METTL15: variants seen among roughly 807,000 people sequenced by gnomAD.
The protein encoded by METTL15 is 12S rRNA N(4)-cytidine methyltransferase METTL15.
Under a neutral mutation model 38.3 loss-of-function variants are expected in METTL15, and 34 were observed. The observed-to-expected ratio is 0.89, with a 90% CI of 0.68 to 1.18. The LOEUF is 1.18. Among genes scored for constraint, METTL15 ranks in the 50% most tolerant of loss-of-function variants. METTL15 has a pLI of 0.00. For missense variants in METTL15, 438 were observed against 498.4 expected, an observed-to-expected ratio of 0.88 and a Z score of 1.15; for synonymous variants, 162 against 170.9, an observed-to-expected ratio of 0.95 and a Z score of 0.41.
At chr11:28,178,299 G>A (rs988637470) in intron 3 of METTL15, among the ~76,000 whole-genome samples, 2 of 151,874 alleles carry the variant, frequency 1.3e-5, no homozygotes, top group Admixed American at 6.6e-5. Flanking sequence ...CCTGTTTACT[G>A]GAGAATACTC....
intron 6 of METTL15, among the ~76,000 whole-genome samples, chr11:28,306,748 C>T (rs1203560738): frequency 6.6e-6 from 1 of 151,730 alleles, no homozygotes; most frequent in Non-Finnish European, 1.5e-5. Context: ...GAGAGAATTC[C>T]CAATTTTAAT....
chr11:28,117,095 C>T (rs1296623489), intron 3 of METTL15, among the ~76,000 whole-genome samples: 2 of 151,862 alleles, frequency 1.3e-5, no homozygotes, highest in African/African-American at 2.4e-5. Context: ...AAATTCTCTT[C>T]GTGCTTTAAA....
At chr11:28,395,464 T>G (rs781546514) in intron 5 of METTL15, among the ~76,000 whole-genome samples, 3 of 151,972 alleles carry the variant, frequency 2.0e-5, no homozygotes, top group African/African-American at 7.2e-5. Context: ...TATTTCAGGA[T>G]TACTGTAAAC....
chr11:28,290,019 C>T (rs563121224), intron 4 of METTL15, among the ~76,000 whole-genome samples, 187 bp from the exon 5 acceptor site: 1 of 152,272 alleles, frequency 6.6e-6, no homozygotes, highest in South Asian at 2.1e-4. Context: ...ATTAAACCAG[C>T]TCTGGTGTTT....
At chr11:28,304,436 A>T (rs1857012424) in intron 6 of METTL15, among the ~76,000 whole-genome samples, 1 of 152,136 alleles carries the variant, frequency 6.6e-6, no homozygotes, top group Admixed American at 6.6e-5. Flanking sequence ...GATAAAATTT[A>T]TGCCAGGCGC....
rs1211816376 is a variant in METTL15, at chr11:28,435,598, G to A, written c.*424+11234G>A. ...GCTTCCTGCCTATAGAAAATTAGGG[G>A]CAGAGATGTCTCTCTACAAGTGTGA... On this transcript the variant is annotated intron_variant and NMD_transcript_variant, in intron 6 of 7. Transcript: ENST00000532947. Among the ~76,000 whole-genome samples the A allele has an allele frequency of 2.0e-5, 3 of 152,160 alleles. 1 individual carries two copies. Among genetic ancestry groups the A allele is most frequent in the Non-Finnish European group, 4.4e-5 (3 of 68,036 alleles).
chr11:28,175,579 A>C (rs1348946264), intron 3 of METTL15, among the ~76,000 whole-genome samples: 1 of 152,122 alleles, frequency 6.6e-6, no homozygotes, highest in Non-Finnish European at 1.5e-5. Flanking sequence ...CATCAGTTAA[A>C]AATTGCCCAA....
chr11:28,459,811 C>G (rs1851199392), intron 6 of METTL15, among the ~76,000 whole-genome samples: 1 of 151,912 alleles, frequency 6.6e-6, no homozygotes, highest in Admixed American at 6.6e-5. Context: ...GTATGTTTGT[C>G]CCTTGTCATT....
At chr11:28,198,164 G>A (rs1851978911) in intron 3 of METTL15, among the ~76,000 whole-genome samples, 1 of 152,182 alleles carries the variant, frequency 6.6e-6, no homozygotes, top group South Asian at 2.1e-4. Flanking sequence ...AAAAGACGCT[G>A]ACAGATTGGC....
intron 4 of METTL15, among the ~76,000 whole-genome samples, chr11:28,277,561 G>A (rs1302228451): frequency 3.9e-5 from 6 of 151,978 alleles, no homozygotes; most frequent in African/African-American, 4.8e-5. Context: ...AGCAGGGCAC[G>A]GTAGCACACA....
At chr11:28,214,226 G>A (rs1050762981) in intron 4 of METTL15, among the ~76,000 whole-genome samples, 1 of 151,618 alleles carries the variant, frequency 6.6e-6, no homozygotes, top group Non-Finnish European at 1.5e-5. Flanking sequence ...TAGAGATGAG[G>A]TCTCTCTATG....
intron 6 of METTL15, among the ~76,000 whole-genome samples, chr11:28,454,031 T>A (rs1161220568): frequency 6.6e-6 from 1 of 152,240 alleles, no homozygotes; most frequent in Non-Finnish European, 1.5e-5. Flanking sequence ...AACTGAGAAT[T>A]TGATGAGGGG....
rs548245656 is a variant in METTL15 at position 28,451,173 on chromosome 11, G to A, written c.*424+26809G>A. Among the ~76,000 whole-genome samples, 13 of 152,268 alleles carry A rather than the reference G, an allele frequency of 8.5e-5. 1 individual carries two copies. In the South Asian group the frequency reaches 2.3e-3, roughly 27 times the overall value. On this transcript the variant is annotated intron_variant and NMD_transcript_variant, in intron 6 of 7. Coordinates refer to the METTL15 transcript ENST00000532947. ...AGCTCAAAAAACTTACGGGAAGAGC[G>A]GAGAACCAAAATCACGTCCCAGACT...
intron 3 of METTL15, among the ~76,000 whole-genome samples, chr11:28,147,282 G>T (rs1849920619): frequency 6.6e-6 from 1 of 151,786 alleles, no homozygotes; most frequent in Non-Finnish European, 1.5e-5. Context: ...GCATTTTAGT[G>T]TGCTGTCTAG....
intron 4 of METTL15, among the ~76,000 whole-genome samples, chr11:28,251,111 A>C (rs941655231): frequency 3.3e-5 from 5 of 152,060 alleles, no homozygotes; most frequent in African/African-American, 1.2e-4. Context: ...GTTTCTCAGT[A>C]GAGCAGATCT....
chr11:28,113,635 T>G (rs764671861), intron 3 of METTL15, 31 bp downstream of exon 3: 99 of 1,594,082 alleles, frequency 6.2e-5, no homozygotes, highest in Non-Finnish European at 8.4e-5. Flanking sequence ...TTAGCAAGTT[T>G]TTGTTGAGAT....
chr11:28,413,595 T>C (rs1381074930), intron 5 of METTL15, among the ~76,000 whole-genome samples: 1 of 152,174 alleles, frequency 6.6e-6, no homozygotes, highest in East Asian at 1.9e-4. Flanking sequence ...CCCCTTTTCT[T>C]CTGACTCTAG....
rs1429910167 is a variant in METTL15, at chr11:28,131,887, T to C, written c.270+18283T>C. 3.9e-5 allele frequency among the ~76,000 whole-genome samples: 6 copies of C among 152,308 alleles called. No individual in the cohort carries two copies. In the East Asian group the frequency reaches 5.8e-4, roughly 15 times the overall value. On this transcript the variant is annotated intron_variant, in intron 3 of 6. Coordinates refer to ENST00000407364, the MANE Select transcript of METTL15 (RefSeq NM_001113528.2). ...AGTCTAGCCTTGTTGAGCTATTTAG[T>C]TGTTGTACTTGTTCTAAATTTGGTG...
chr11:28,433,857 C>A (rs781386223), intron 6 of METTL15, among the ~76,000 whole-genome samples: 12 of 152,092 alleles, frequency 7.9e-5, no homozygotes, highest in Non-Finnish European at 1.6e-4. Flanking sequence ...CCTTTCTTCT[C>A]CAATACCACT....
Sources: allele counts gnomAD v4.1 joint callset (sites outside exome capture counted in the v4.1 genomes callset), GRCh38; gene constraint gnomAD v4.1.1; transcripts MANE v1.5; gene names NCBI Gene and HGNC (gene_info 2026-07-23, HGNC 2026-07-21).